Variants in TAPT1 observed in about 807,000 individuals in gnomAD.
The protein encoded by TAPT1 is transmembrane anterior posterior transformation protein 1 homolog.
Under a neutral mutation model 65.6 loss-of-function variants are expected in TAPT1, and 28 were observed. That is an observed-to-expected ratio of 0.43 (90% CI 0.32 to 0.59). TAPT1 has a LOEUF of 0.59. Ranked by LOEUF, TAPT1 falls within the 20% of genes least tolerant of loss-of-function variation. The pLI, the probability that TAPT1 is intolerant of heterozygous loss-of-function variation, is 0.09. For synonymous variants in TAPT1, 278 were observed against 245.2 expected, an observed-to-expected ratio of 1.13 and a Z score of -1.25; for missense variants, 563 against 679.9, an observed-to-expected ratio of 0.83 and a Z score of 1.91.
At chr4:16,169,890 T>G (rs1275127597) in intron 12 of TAPT1, among the ~76,000 whole-genome samples, 1 of 152,226 alleles carries the variant, frequency 6.6e-6, no homozygotes, top group East Asian at 1.9e-4. Context: ...GTGACTGCTA[T>G]GCTTACCCTC....
intron 2 of TAPT1, among the ~76,000 whole-genome samples, chr4:16,212,345 C>T (rs995635846): frequency 2.0e-5 from 3 of 152,250 alleles, no homozygotes; most frequent in African/African-American, 7.2e-5. Flanking sequence ...GGCAGGCTGT[C>T]CTTCCCACTT....
rs199887327 is a variant in TAPT1 at position 16,165,327 on chromosome 4, T to A, written c.1474+1306A>T. On this transcript the variant is annotated intron_variant, in intron 13 of 13. Coordinates refer to ENST00000405303, the MANE Select transcript of TAPT1 (RefSeq NM_153365.3). ...GGCTCATGCCTGTAATCCCAGCACTTTGGGAGGCCGAGGCAGGCGGATCAC... is the reference window on the plus strand; with the variant it reads ...GGCTCATGCCTGTAATCCCAGCACTATGGGAGGCCGAGGCAGGCGGATCAC... 9.2e-5 allele frequency among the ~76,000 whole-genome samples: 14 copies of A among 152,162 alleles called. No homozygotes were observed. In the East Asian group the frequency reaches 2.3e-3, roughly 25 times the overall value.
intron 3 of TAPT1, 85 bp downstream of exon 3, chr4:16,202,377 G>A: frequency 1.2e-6 from 1 of 841,194 alleles, no homozygotes; most frequent in Admixed American, 2.4e-5. Flanking sequence ...GAAACTGTAT[G>A]AATTATCCTT....
At chr4:16,168,244 C>T (rs954008969) in intron 12 of TAPT1, among the ~76,000 whole-genome samples, 7 of 152,162 alleles carry the variant, frequency 4.6e-5, no homozygotes, top group Non-Finnish European at 1.0e-4. Flanking sequence ...TCCTGCACAG[C>T]TGGGACCACA....
chr4:16,175,584 A>C (rs552109361), intron 9 of TAPT1, among the ~76,000 whole-genome samples: 4 of 152,198 alleles, frequency 2.6e-5, no homozygotes, highest in Non-Finnish European at 5.9e-5. Flanking sequence ...TATGTTTTAT[A>C]TGCAATAAAT....
At chr4:16,180,116 T>C (rs763420255) in intron 7 of TAPT1, among the ~76,000 whole-genome samples, 1 of 152,134 alleles carries the variant, frequency 6.6e-6, no homozygotes, top group Non-Finnish European at 1.5e-5. Flanking sequence ...ATTACTGAAC[T>C]GATGAGTCCT....
rs377611831 is a variant in TAPT1 at position 16,166,763 on chromosome 4, G to A, written c.1344C>T (p.Ile448=). The A allele has an allele frequency of 2.5e-6, 4 of 1,613,824 alleles. No individual in the cohort carries two copies. The highest frequency in any genetic ancestry group is 2.2e-5 in the East Asian group (1 of 44,878). Residue 448 remains isoleucine, a synonymous_variant, in exon 13 of 14, where the codon ATC becomes ATT. Transcript: ENST00000405303. ...GLISLKVLNS[I]VLLGKSCQYV... ...ACTGGCACGATTTCCCCAACAGCAC[G>A]ATGCTATTAAGTACTTTCAGGGATA...
Position 16,173,657 on chromosome 4 carries a change from T to C in TAPT1, c.1236+547A>G, listed in dbSNP as rs117812939. Reference sequence around the variant, plus strand: ...CCACTGATAGAGAATATGTCTTCATTTGGGCATACCATAATTTTTTAACCT... The same window carrying C: ...CCACTGATAGAGAATATGTCTTCATCTGGGCATACCATAATTTTTTAACCT... On this transcript the variant is annotated intron_variant, in intron 11 of 13. Transcript: ENST00000405303. 3.3e-3 allele frequency among the ~76,000 whole-genome samples: 505 copies of C among 152,376 alleles called. 11 individuals carry two copies. The East Asian group carries it at 0.062, about 19-fold the overall frequency.
intron 3 of TAPT1, among the ~76,000 whole-genome samples, chr4:16,194,206 G>A (rs1031449243): frequency 6.6e-6 from 1 of 152,196 alleles, no homozygotes; most frequent in Non-Finnish European, 1.5e-5. Flanking sequence ...GAACCAAGCT[G>A]ATAAATTAAC....
At chr4:16,182,632 A>G (rs1385516373) in intron 7 of TAPT1, among the ~76,000 whole-genome samples, 1 of 152,216 alleles carries the variant, frequency 6.6e-6, no homozygotes, top group Non-Finnish European at 1.5e-5. Context: ...CTATAAGCTT[A>G]CTCCAGACAA....
chr4:16,168,068 G>C (rs1371691162), intron 12 of TAPT1, among the ~76,000 whole-genome samples: 1 of 151,724 alleles, frequency 6.6e-6, no homozygotes, highest in Non-Finnish European at 1.5e-5. Flanking sequence ...GAAGAAAAAA[G>C]TCTCACATTA....
rs1323873285 is a variant in TAPT1, at chr4:16,163,482, T to C, written c.1530A>G (p.Gln510=). 6.2e-7 allele frequency: 1 copy of C among 1,614,026 alleles called. No homozygotes were observed. The highest frequency in any genetic ancestry group is 8.5e-7 in the Non-Finnish European group (1 of 1,179,896). The change falls in exon 14 of 14, where the codon CAA becomes CAG. Residue 510 remains glutamine, a synonymous_variant. Transcript: ENST00000405303. Reference sequence around the variant, plus strand: ...CAAGTAATGGTATGATATTTTCCTTTTGATGAATAGGTTGTTTGGTGATGG... The same window carrying C: ...CAAGTAATGGTATGATATTTTCCTTCTGATGAATAGGTTGTTTGGTGATGG... The part of the protein sequence containing the change: ...SASITKQPIH[Q]KENIIPLLVT...
chr4:16,199,418 G>A (rs977916878), intron 3 of TAPT1, among the ~76,000 whole-genome samples: 4 of 152,028 alleles, frequency 2.6e-5, no homozygotes, highest in South Asian at 2.1e-4. Context: ...TAGATTCAAA[G>A]TATTTCAAAC....
rs375942662 is a variant in TAPT1 at position 16,170,697 on chromosome 4, C to A, written c.1269G>T (p.Val423=). 6.2e-7 allele frequency: 1 copy of A among 1,613,590 alleles called. No homozygotes were observed. Residue 423 remains valine (V), a synonymous_variant, in exon 12 of 14, where the codon GTG becomes GTT. Coordinates refer to ENST00000405303, the MANE Select transcript of TAPT1 (RefSeq NM_153365.3). ...CACAGGCATAAGACAGGATTCCTTGCACTTTAATTGAGCTTGTTACAACTC... is the reference window on the plus strand; with the variant it reads ...CACAGGCATAAGACAGGATTCCTTGAACTTTAATTGAGCTTGTTACAACTC... ...LIRVVTSSIK[V]QGILSYACVI...
At chr4:16,223,055 A>G (rs886125942) in intron 1 of TAPT1, among the ~76,000 whole-genome samples, 8 of 152,066 alleles carry the variant, frequency 5.3e-5, no homozygotes, top group African/African-American at 1.4e-4. Flanking sequence ...TTAAGTCTCC[A>G]TGGTGACTAG....
rs541624472 is a variant in TAPT1, at chr4:16,184,684, T to C, written c.916+1851A>G. Among the ~76,000 whole-genome samples the C allele has an allele frequency of 2.0e-5, 3 of 152,354 alleles. No individual in the cohort carries two copies. In the South Asian group the frequency reaches 6.2e-4, roughly 32 times the overall value. ...GAGGGTGTGCAGTGCTATCTCATTA[T>C]GGCTTTGTCTTTCTCCAGTGACATT... On this transcript the variant is annotated intron_variant, in intron 7 of 13. Transcript: ENST00000405303.
chr4:16,219,618 CACCT>C (rs1361844216), intron 1 of TAPT1, among the ~76,000 whole-genome samples: 1 of 152,224 alleles, frequency 6.6e-6, no homozygotes, highest in Non-Finnish European at 1.5e-5. Context: ...ACCTCCTTCT[CACCT>C]ACTCCTGCGT....
At chr4:16,214,040 C>G (rs1477374260) in intron 1 of TAPT1, 142 bp from the exon 2 acceptor site, 1 of 571,496 alleles carries the variant, frequency 1.7e-6, no homozygotes, top group South Asian at 4.4e-5. Context: ...TAGAACTGCA[C>G]ACAATGATCA....
In TAPT1 at chr4:16,224,089, A is replaced by C. The variant is rs532341414; in HGVS notation, c.199+2170T>G. Among the ~76,000 whole-genome samples, 6 of 152,306 alleles carry C rather than the reference A, an allele frequency of 3.9e-5. No homozygotes were observed. The East Asian group carries it at 7.7e-4, about 20-fold the overall frequency. On this transcript the variant is annotated intron_variant, in intron 1 of 13. Transcript: ENST00000405303. ...ACTCTCAGAGGCACACAAGAATATAAAAAAATCAACAAGTAATACCTTAAG... is the reference window on the plus strand; with the variant it reads ...ACTCTCAGAGGCACACAAGAATATACAAAAATCAACAAGTAATACCTTAAG...
Sources: gnomAD v4.1 joint callset for allele counts (sites outside exome capture counted in the v4.1 genomes callset) on GRCh38, gnomAD v4.1.1 for gene constraint, MANE v1.5 for transcripts, NCBI Gene and HGNC (gene_info 2026-07-23, HGNC 2026-07-21) for gene names.